The following SLIT2 variants were observed in gnomAD, a reference collection of about 807,000 sequenced individuals.
SLIT2 encodes the protein slit guidance ligand 2, also known as slit homolog 2 protein.
In SLIT2, 41 loss-of-function variants were observed where a neutral mutation model predicts 185.7. That is an observed-to-expected ratio of 0.22 (90% confidence interval 0.17 to 0.29). The LOEUF is 0.29. SLIT2 is among the 10% of genes least tolerant of loss of function. The pLI is 1.00. For missense variants in SLIT2, 1,571 were observed against 1,909.0 expected (o/e 0.82, Z 3.30); for synonymous variants, 693 against 680.2 (o/e 1.02, Z -0.29).
chr4:20,339,876 AT>A, intron 4 of SLIT2, among the ~76,000 whole-genome samples: 1 of 152,266 alleles, frequency 6.6e-6, no homozygotes, highest in Admixed American at 6.5e-5. Flanking sequence ...TTTTTACCAC[AT>A]TGTATATCAT....
rs146922180 is a variant in SLIT2, at chr4:20,581,262, A to G, written c.3089-8382A>G. ...TCTATGCCTGTCTTTCTTGGTATCCAGGTTTCCCTTTTTGATAACACAAGC... is the reference window on the plus strand; with the variant it reads ...TCTATGCCTGTCTTTCTTGGTATCCGGGTTTCCCTTTTTGATAACACAAGC... On this transcript the variant is annotated intron_variant, in intron 29 of 36. Transcript: ENST00000504154. Among the ~76,000 whole-genome samples the G allele has an allele frequency of 2.0e-5, 3 of 152,250 alleles. No individual in the cohort carries two copies. In the East Asian group the frequency reaches 5.8e-4, roughly 29 times the overall value.
intron 4 of SLIT2, among the ~76,000 whole-genome samples, chr4:20,376,791 C>T (rs1171853779): frequency 1.3e-5 from 2 of 152,094 alleles, no homozygotes; most frequent in Non-Finnish European, 2.9e-5. Flanking sequence ...CCAAACACTG[C>T]ATGTTCTCAC....
intron 29 of SLIT2, among the ~76,000 whole-genome samples, chr4:20,569,797 A>G (rs528838453): frequency 2.0e-4 from 31 of 152,040 alleles, no homozygotes; most frequent in Non-Finnish European, 4.4e-4. Context: ...TGATCACTCT[A>G]CTCAAAGTTG....
At chr4:20,614,877 G>A (rs1002899230) in intron 34 of SLIT2, 1 of 151,972 alleles carries the variant, frequency 6.6e-6, no homozygotes, top group Non-Finnish European at 1.5e-5. Flanking sequence ...TTTTATGATA[G>A]CCTATTGAAA....
chr4:20,300,697 TTA>T (rs1172054402), intron 4 of SLIT2, among the ~76,000 whole-genome samples: 1 of 152,116 alleles, frequency 6.6e-6, no homozygotes, highest in East Asian at 1.9e-4. Context: ...ATGTGATAAA[TTA>T]TATTGTGTGT....
At chr4:20,471,897 C>G (rs1715073334) in intron 5 of SLIT2, among the ~76,000 whole-genome samples, 1 of 152,000 alleles carries the variant, frequency 6.6e-6, no homozygotes, top group African/African-American at 2.4e-5. Flanking sequence ...TTGCTTCTCT[C>G]TATTCATTTC....
Position 20,467,812 on chromosome 4 carries a change from C to G in SLIT2, c.456C>G (p.Asp152Glu), listed in dbSNP as rs1306195532. The change falls in exon 5 of 37, where the codon GAC (aspartate) becomes GAG (glutamate). Residue 152 changes from aspartate (D) to glutamate (E), a missense_variant. Asp to Glu is a conservative substitution (Grantham distance 45). Coordinates refer to ENST00000504154, the MANE Select transcript of SLIT2 (RefSeq NM_004787.4). Reference protein sequence around the residue: ...IPRKAFRGAVDIKNLQLDYNQ... With the variant: ...IPRKAFRGAVEIKNLQLDYNQ... ...GGAAAGCTTTCCGTGGGGCAGTTGA[C>G]ATAAAAAATTTGTAAGTATCTATTT... The G allele has an allele frequency of 6.3e-7, 1 of 1,579,962 alleles. No individual in the cohort carries two copies. The highest frequency in any genetic ancestry group is 1.7e-5 in the Admixed American group (1 of 58,190).
At chr4:20,322,508 C>T (rs1719185448) in intron 4 of SLIT2, among the ~76,000 whole-genome samples, 1 of 152,076 alleles carries the variant, frequency 6.6e-6, no homozygotes, top group African/African-American at 2.4e-5. Flanking sequence ...AATGCAGGCT[C>T]CTCTGTGCTT....
At chr4:20,509,173 A>AAT (rs973501019) in intron 9 of SLIT2, among the ~76,000 whole-genome samples, 2 of 151,180 alleles carry the variant, frequency 1.3e-5, no homozygotes, top group Non-Finnish European at 2.9e-5. Context: ...ATATATATAT[A>AAT]ATATATATGC....
chr4:20,528,042 CTGT>C lies in SLIT2; in HGVS notation c.1463-902_1463-900del, dbSNP rs1721449794. Among the ~76,000 whole-genome samples, 1 of 152,090 alleles carries C rather than the reference CTGT, an allele frequency of 6.6e-6. No individual in the cohort carries two copies. The highest frequency in any genetic ancestry group is 1.5e-5 in the Non-Finnish European group (1 of 68,038). On this transcript the variant is annotated intron_variant, in intron 15 of 36. Coordinates refer to ENST00000504154, the MANE Select transcript of SLIT2 (RefSeq NM_004787.4). The surrounding 1 kb of genome is among the most constrained non-coding windows in gnomAD (Gnocchi z 4.2). The stretch of plus-strand genomic sequence containing the variant: ...TCTTCCTGGATGTTGTTCCCGAAAG[CTGT>C]TGTTTCCATTCTGCAGTTCTGAGGA...
Position 20,253,037 on chromosome 4 carries a change from G to C in SLIT2, c.-779G>C, listed in dbSNP as rs188627555. Among the ~76,000 whole-genome samples the C allele has an allele frequency of 6.6e-6, 1 of 152,154 alleles. No homozygotes were observed. The highest frequency in any genetic ancestry group is 1.5e-5 in the Non-Finnish European group (1 of 68,010). ...CTCGGGGCAGGTCCTGGTGCAGAGC[G>C]TCGCCAAGGACGCCGAGCGGGAGGC... On this transcript the variant is annotated 5_prime_UTR_variant, in exon 1 of 37. Coordinates refer to ENST00000504154, the MANE Select transcript of SLIT2 (RefSeq NM_004787.4).
chr4:20,389,326 A>G (rs1441189597), intron 4 of SLIT2, among the ~76,000 whole-genome samples: 1 of 152,066 alleles, frequency 6.6e-6, no homozygotes, highest in Non-Finnish European at 1.5e-5. Flanking sequence ...TAACATCTAA[A>G]TATTATTATG....
chr4:20,463,513 A>ATGTGTGTGTGTGTG (rs202173983), intron 4 of SLIT2, among the ~76,000 whole-genome samples: 5 of 99,598 alleles, frequency 5.0e-5, no homozygotes, highest in African/African-American at 1.5e-4. Context: ...GTATATCCAT[A>ATGTGTGTGTGTGTG]TATGTGTGTG....
At chr4:20,276,366 T>C (rs866344986) in intron 4 of SLIT2, among the ~76,000 whole-genome samples, 1 of 152,160 alleles carries the variant, frequency 6.6e-6, no homozygotes, top group African/African-American at 2.4e-5. Flanking sequence ...TAAAATATTT[T>C]ATAAATTTTG....
At chr4:20,615,819 A>C (rs1016416525) in intron 34 of SLIT2, 1 of 152,284 alleles carries the variant, frequency 6.6e-6, no homozygotes, top group Non-Finnish European at 1.5e-5. Context: ...TCCTCAGCCT[A>C]GAACTTCCAG....
intron 4 of SLIT2, among the ~76,000 whole-genome samples, chr4:20,388,149 C>G (rs900084364): frequency 6.6e-6 from 1 of 151,878 alleles, no homozygotes; most frequent in African/African-American, 2.4e-5. Flanking sequence ...GTAAAAAATG[C>G]AAAGTTTTCT....
chr4:20,301,441 C>CTGGT (rs1717027738), intron 4 of SLIT2, among the ~76,000 whole-genome samples: 1 of 152,100 alleles, frequency 6.6e-6, no homozygotes, highest in Non-Finnish European at 1.5e-5. Context: ...TTTTGTTCTT[C>CTGGT]ATGCCATTCT....
intron 4 of SLIT2, among the ~76,000 whole-genome samples, chr4:20,384,823 C>G (rs1258101285): frequency 6.6e-6 from 1 of 152,046 alleles, no homozygotes; most frequent in Non-Finnish European, 1.5e-5. Context: ...TATGTATATG[C>G]TTTATGGTTT....
chr4:20,360,223 A>G (rs1235242400), intron 4 of SLIT2, among the ~76,000 whole-genome samples: 2 of 152,144 alleles, frequency 1.3e-5, no homozygotes, highest in African/African-American at 2.4e-5. Flanking sequence ...CTGAATACCT[A>G]TTATCTGTCC....
Sources: allele counts gnomAD v4.1 joint callset (sites outside exome capture counted in the v4.1 genomes callset), GRCh38; gene constraint gnomAD v4.1.1; non-coding constraint Gnocchi (gnomAD v3.1); transcripts MANE v1.5; gene names NCBI Gene and HGNC (gene_info 2026-07-23, HGNC 2026-07-21).